Variants in ELAVL2 observed in about 807,000 individuals in gnomAD.
The protein encoded by ELAVL2 is ELAV like RNA binding protein 2.
In ELAVL2, 4 loss-of-function variants were observed where a neutral mutation model predicts 34.6. That is an observed-to-expected ratio of 0.12 (90% CI 0.06 to 0.26). ELAVL2 has a LOEUF of 0.26. Ranked by LOEUF, ELAVL2 falls within the 10% of genes least tolerant of loss-of-function variation. The pLI is 1.00. For synonymous variants in ELAVL2, 193 were observed against 154.8 expected (o/e 1.25, Z -1.83); for missense variants, 432 against 442.8 (o/e 0.98, Z 0.22).
In ELAVL2 at chr9:23,795,566, A is replaced by T. The variant is rs183087516; in HGVS notation, c.-16+30240T>A. Among the ~76,000 whole-genome samples the T allele has an allele frequency of 8.6e-4, 131 of 152,278 alleles. No individual in the cohort carries two copies. The Middle Eastern group carries it at 0.01, about 12-fold the overall frequency. On this transcript the variant is annotated intron_variant, in intron 1 of 6. Transcript: ENST00000397312. ...TCTCAAAAAAATAAAAATAAAAAAT[A>T]AATGGGGAAAACAACATTGTAAGTA...
chr9:23,747,866 T>C (rs1371833742), intron 2 of ELAVL2, among the ~76,000 whole-genome samples: 1 of 152,128 alleles, frequency 6.6e-6, no homozygotes, highest in Admixed American at 6.6e-5. Flanking sequence ...AACATGCATT[T>C]GGCTGATGCC....
Position 23,693,506 on chromosome 9 carries a change from CA to C in ELAVL2, c.714-21del. 6.2e-7 allele frequency: 1 copy of C among 1,614,020 alleles called. No individual in the cohort carries two copies. The highest frequency in any genetic ancestry group is 8.5e-7 in the Non-Finnish European group (1 of 1,179,912). ...TCCAACCTGCAAAACACACATTTAG[CA>C]AACTTCAGTTTTTAATTTTTCCCCT... On this transcript the variant is annotated intron_variant, in intron 5 of 6. Coordinates refer to ENST00000397312, the MANE Select transcript of ELAVL2 (RefSeq NM_004432.5).
At position 23,694,543 on chromosome 9, in the gene ELAVL2, T is replaced by A. The variant is rs559511631; in HGVS notation, c.714-1057A>T. Among the ~76,000 whole-genome samples the A allele has an allele frequency of 1.2e-4, 18 of 152,274 alleles. No individual in the cohort carries two copies. The South Asian group carries it at 3.7e-3, about 32-fold the overall frequency. ...CATCCCAGGGTTGTCCCTCTGGGAC[T>A]GGGGGTGGGGGTGAGAATTTTTTCT... On this transcript the variant is annotated intron_variant, in intron 5 of 6. Coordinates refer to ENST00000397312, the MANE Select transcript of ELAVL2 (RefSeq NM_004432.5).
rs2033226813 is a variant in ELAVL2, at chr9:23,691,659, T to G, written c.*898A>C. 1 of 152,632 alleles carries G rather than the reference T, an allele frequency of 6.6e-6. No homozygotes were observed. Among genetic ancestry groups the G allele is most frequent in the South Asian group, 2.1e-4 (1 of 4,824 alleles). 9.5% of individuals were successfully genotyped at this position (152,632 alleles called of 1,614,324 possible). On this transcript the variant is annotated 3_prime_UTR_variant, in exon 7 of 7. Transcript: ENST00000397312. ...CCAGGATGATCAGACGCTCCACTGG[T>G]GATTACAAAAATGAAACCAGCAGTG...
At chr9:23,713,211 A>T (rs954251953) in intron 3 of ELAVL2, among the ~76,000 whole-genome samples, 1 of 152,238 alleles carries the variant, frequency 6.6e-6, no homozygotes, top group African/African-American at 2.4e-5. Flanking sequence ...TGGTAAAGGC[A>T]AATGGGATAC....
At chr9:23,802,143 T>C (rs532042039) in intron 1 of ELAVL2, among the ~76,000 whole-genome samples, 101 of 152,226 alleles carry the variant, frequency 6.6e-4, no homozygotes, top group African/African-American at 2.4e-3. Context: ...ATGAAACCAA[T>C]ACAGGAAGAA....
At chr9:23,694,878 G>A (rs1056782331) in intron 5 of ELAVL2, among the ~76,000 whole-genome samples, 1 of 152,136 alleles carries the variant, frequency 6.6e-6, no homozygotes, top group Admixed American at 6.5e-5. Context: ...TGGTGCGTGT[G>A]TGTGTGTGCG....
intron 1 of ELAVL2, among the ~76,000 whole-genome samples, chr9:23,777,251 G>A (rs1179649574): frequency 1.3e-5 from 2 of 152,152 alleles, no homozygotes; most frequent in East Asian, 1.9e-4. Flanking sequence ...AATCTGAGAT[G>A]GGTATGAACA....
intron 2 of ELAVL2, among the ~76,000 whole-genome samples, chr9:23,737,779 A>G (rs761596930): frequency 2.0e-5 from 3 of 152,232 alleles, no homozygotes; most frequent in African/African-American, 7.2e-5. Context: ...TCCCACAGTT[A>G]GCAGAAACAG....
chr9:23,738,365 A>G (rs1020425156), intron 2 of ELAVL2, among the ~76,000 whole-genome samples: 2 of 152,186 alleles, frequency 1.3e-5, no homozygotes, highest in Non-Finnish European at 2.9e-5. Context: ...AGGTCCTTCC[A>G]TTTAAACACT....
intron 1 of ELAVL2, among the ~76,000 whole-genome samples, chr9:23,805,561 G>A (rs2062103328): frequency 6.6e-6 from 1 of 152,176 alleles, no homozygotes; most frequent in Non-Finnish European, 1.5e-5. Flanking sequence ...AGCTGCTACT[G>A]TACCTTGGGC....
intron 1 of ELAVL2, among the ~76,000 whole-genome samples, chr9:23,774,798 A>C (rs922326102): frequency 6.6e-6 from 1 of 152,120 alleles, no homozygotes; most frequent in Non-Finnish European, 1.5e-5. Flanking sequence ...GGCATCTTGT[A>C]CTTATATTCA....
At chr9:23,777,177 A>G (rs577738551) in intron 1 of ELAVL2, among the ~76,000 whole-genome samples, 6 of 152,358 alleles carry the variant, frequency 3.9e-5, no homozygotes, top group Non-Finnish European at 8.8e-5. Context: ...AGTCTACAGC[A>G]GTTAGGACTG....
chr9:23,709,438 C>A (rs961952630), intron 3 of ELAVL2, among the ~76,000 whole-genome samples: 1 of 149,732 alleles, frequency 6.7e-6, no homozygotes, highest in African/African-American at 2.4e-5. Context: ...TACCAGCAAC[C>A]TTCTCCATTC....
At chr9:23,772,931 C>T (rs116921840) in intron 1 of ELAVL2, among the ~76,000 whole-genome samples, 1,759 of 152,212 alleles carry the variant, frequency 0.012, 17 homozygotes, top group Admixed American at 0.019. Flanking sequence ...TTCCTTTGGT[C>T]CACCTCTGCC....
intron 3 of ELAVL2, among the ~76,000 whole-genome samples, chr9:23,712,094 G>T (rs945741136): frequency 1.3e-5 from 2 of 152,118 alleles, no homozygotes; most frequent in East Asian, 3.9e-4. Flanking sequence ...GGGGCGGGGG[G>T]AGTCTTAATT....
chr9:23,802,182 C>G (rs1387954140), intron 1 of ELAVL2, among the ~76,000 whole-genome samples: 1 of 152,082 alleles, frequency 6.6e-6, no homozygotes, highest in Non-Finnish European at 1.5e-5. Context: ...TGAACTACTC[C>G]GAGGTGCATT....
chr9:23,720,172 C>CT (rs2043300606), intron 3 of ELAVL2, among the ~76,000 whole-genome samples: 1 of 147,976 alleles, frequency 6.8e-6, no homozygotes. Flanking sequence ...ATAAGACACC[C>CT]TTTCACCTTT....
chr9:23,712,698 T>C (rs2133745310), intron 3 of ELAVL2, among the ~76,000 whole-genome samples: 1 of 152,296 alleles, frequency 6.6e-6, no homozygotes, highest in African/African-American at 2.4e-5. Flanking sequence ...GAATGGCAAC[T>C]GGCTGTTTAC....
Sources: allele counts gnomAD v4.1 joint callset (sites outside exome capture counted in the v4.1 genomes callset), GRCh38; gene constraint gnomAD v4.1.1; transcripts MANE v1.5; gene names NCBI Gene and HGNC (gene_info 2026-07-23, HGNC 2026-07-21).